MYO18B: variants seen among roughly 807,000 people sequenced by gnomAD.
MYO18B encodes the protein myosin XVIIIB, also known as unconventional myosin-XVIIIb.
A neutral mutation model predicts 273.0 loss-of-function variants in MYO18B; 204 were observed. That is an observed-to-expected ratio of 0.75 (90% confidence interval 0.67 to 0.84). MYO18B has a LOEUF of 0.84. Among genes scored for constraint, MYO18B ranks in the 40% least tolerant of loss-of-function variants. The pLI, the probability that MYO18B is intolerant of heterozygous loss-of-function variation, is 0.00. For synonymous variants in MYO18B, 1,330 were observed against 1,305.7 expected, an observed-to-expected ratio of 1.02 and a Z score of -0.40; for missense variants, 3,212 against 3,287.6, an observed-to-expected ratio of 0.98 and a Z score of 0.56.
intron 13 of MYO18B, among the ~76,000 whole-genome samples, chr22:25,824,795 A>G (rs2089425878): frequency 6.6e-6 from 1 of 151,840 alleles, no homozygotes; most frequent in Non-Finnish European, 1.5e-5. Context: ...ACACATTCCC[A>G]GAAGCATACA....
At chr22:25,764,016 C>T (rs545869806) in intron 3 of MYO18B, among the ~76,000 whole-genome samples, 42 of 152,266 alleles carry the variant, frequency 2.8e-4, no homozygotes, top group Admixed American at 8.5e-4. Flanking sequence ...CCCAAGTGCC[C>T]TCAGCTGCCA....
At chr22:25,977,904 T>C (rs1462305011) in intron 39 of MYO18B, among the ~76,000 whole-genome samples, 1 of 152,170 alleles carries the variant, frequency 6.6e-6, no homozygotes, top group African/African-American at 2.4e-5. Flanking sequence ...CAAGACTTGC[T>C]TGGGGTCACG....
chr22:26,014,008 A>G (rs1935112896), intron 42 of MYO18B, among the ~76,000 whole-genome samples: 1 of 152,216 alleles, frequency 6.6e-6, no homozygotes, highest in Non-Finnish European at 1.5e-5. Flanking sequence ...ATTTTAATGT[A>G]ACCCAGTTTA....
At position 25,770,101 on chromosome 22, in the gene MYO18B, G is replaced by A. The variant is rs367783521; in HGVS notation, c.1513-9G>A. 6.2e-7 allele frequency: 1 copy of A among 1,613,546 alleles called. No individual in the cohort carries two copies. The highest frequency in any genetic ancestry group is 2.2e-5 in the East Asian group (1 of 44,876). On this transcript the variant is annotated splice_polypyrimidine_tract_variant and intron_variant, in intron 4 of 43. Coordinates refer to ENST00000335473, the MANE Select transcript of MYO18B (RefSeq NM_032608.7). ...TTGCTGGTTTAATTTACGTGATGTT[G>A]GTTCTCAGGCTCCTGAGGACAGATG...
At chr22:25,878,982 T>C (rs1158340) in intron 25 of MYO18B, among the ~76,000 whole-genome samples, 117,162 of 152,232 alleles carry the variant, frequency 0.77, 45,347 homozygotes, top group East Asian at 0.94. Context: ...AAAGTAAACA[T>C]TCAAATGGGA....
intron 39 of MYO18B, among the ~76,000 whole-genome samples, chr22:25,968,266 C>T (rs776566607): frequency 5.9e-5 from 9 of 152,320 alleles, no homozygotes; most frequent in Admixed American, 5.2e-4. Flanking sequence ...TTGAACAGTT[C>T]TGGGGTACAT....
In MYO18B at chr22:25,823,579, C is replaced by G. The variant is rs199965997; in HGVS notation, c.2596C>G (p.Leu866Val). 3.1e-6 allele frequency: 5 copies of G among 1,613,884 alleles called. No homozygotes were observed. The highest frequency in any genetic ancestry group is 1.7e-5 in the Admixed American group (1 of 60,004). ...GGCCCTGGGCTGCGAGTATGAGGAG[C>G]TGAACACGGCCACCTTCAAGCACCA... ...AEALGCEYEE[L>V]NTATFKHHLR... Residue 866 changes from leucine (L) to valine (V), a missense_variant, in exon 13 of 44, where the codon CTG (leucine) becomes GTG (valine). Leu to Val is a conservative substitution (Grantham distance 32). Coordinates refer to ENST00000335473, the MANE Select transcript of MYO18B (RefSeq NM_032608.7).
At position 25,846,254 on chromosome 22, in the gene MYO18B, G is replaced by T; in HGVS notation, c.3523G>T (p.Ala1175Ser). The change falls in exon 19 of 44, where the codon GCC (alanine) becomes TCC (serine). Residue 1175 changes from alanine to serine, a missense_variant. Physicochemically the swap from Ala to Ser is moderately conservative, Grantham distance 99. Transcript: ENST00000335473. ...ASSLAAVRRK[A>S]PCSQIKLQMD... ...CAGCCTTGCCGCGGTGAGGAGGAAA[G>T]CCCCGTGCTCCCAGATCAAGCTGCA... 1 of 1,612,054 alleles carries T rather than the reference G, an allele frequency of 6.2e-7. No individual in the cohort carries two copies. The highest frequency in any genetic ancestry group is 8.5e-7 in the Non-Finnish European group (1 of 1,179,818).
chr22:25,876,038 G>GTGTGTGTA (rs369957764), intron 23 of MYO18B, 151 bp from the exon 24 acceptor site: 1 of 554,344 alleles, frequency 1.8e-6, no homozygotes, highest in Non-Finnish European at 3.2e-6. Flanking sequence ...GTGTGTGTGT[G>GTGTGTGTA]TGTGTGTATG....
At chr22:26,038,930 T>C in the MYO18B span, among the ~76,000 whole-genome samples, 4 of 152,296 alleles carry the variant, frequency 2.6e-5, no homozygotes, top group African/African-American at 7.2e-5. Flanking sequence ...TATTGAGAAT[T>C]TGCATGAAAA....
At chr22:26,014,098 C>CT (rs1935119883) in intron 42 of MYO18B, among the ~76,000 whole-genome samples, 5 of 151,924 alleles carry the variant, frequency 3.3e-5, no homozygotes, top group Admixed American at 2.6e-4. Flanking sequence ...GCAGTATTTT[C>CT]TTATTTTTTG....
chr22:25,884,985 C>T (rs2091455263), intron 25 of MYO18B: 1 of 152,122 alleles, frequency 6.6e-6, no homozygotes, highest in African/African-American at 2.4e-5. Flanking sequence ...AATGTTTACC[C>T]TCCCCCCAGT....
chr22:25,856,086 T>C (rs906568716), intron 21 of MYO18B, among the ~76,000 whole-genome samples: 2 of 152,262 alleles, frequency 1.3e-5, no homozygotes, highest in African/African-American at 2.4e-5. Context: ...ATGGTAATTC[T>C]ATTTTAAATT....
At chr22:25,944,676 C>A (rs113670702) in intron 34 of MYO18B, among the ~76,000 whole-genome samples, 1 of 151,976 alleles carries the variant, frequency 6.6e-6, no homozygotes, top group African/African-American at 2.4e-5. Context: ...GATGAAACCC[C>A]GTCTCTACTA....
chr22:25,786,168 TC>T (rs2145689984), intron 11 of MYO18B, among the ~76,000 whole-genome samples: 1 of 152,374 alleles, frequency 6.6e-6, no homozygotes, highest in South Asian at 2.1e-4. Flanking sequence ...AGGTGTATGT[TC>T]CTGCTGAGTG....
At chr22:26,003,150 C>A in intron 40 of MYO18B, 115 bp from the exon 41 acceptor site, 2 of 941,368 alleles carry the variant, frequency 2.1e-6, no homozygotes. Flanking sequence ...TGAGATCACA[C>A]AGGGGCAAAG....
intron 12 of MYO18B, among the ~76,000 whole-genome samples, chr22:25,805,910 G>A (rs960583907): frequency 2.0e-5 from 3 of 152,188 alleles, no homozygotes; most frequent in Non-Finnish European, 2.9e-5. Context: ...CCCTGAGCAA[G>A]GTCTGGTTTT....
intron 3 of MYO18B, 54 bp from the exon 4 acceptor site, chr22:25,768,061 A>T: frequency 7.0e-7 from 1 of 1,421,386 alleles, no homozygotes; most frequent in African/African-American, 1.4e-5. Context: ...GTGAATGACA[A>T]AGCTGTCAGG....
At chr22:25,765,355 C>G (rs1052530228) in intron 3 of MYO18B, among the ~76,000 whole-genome samples, 3 of 152,228 alleles carry the variant, frequency 2.0e-5, no homozygotes, top group African/African-American at 4.8e-5. Context: ...CCCAGCACAA[C>G]TGTTTCATTT....
Sources: allele counts gnomAD v4.1 joint callset (sites outside exome capture counted in the v4.1 genomes callset), GRCh38; gene constraint gnomAD v4.1.1; transcripts MANE v1.5; gene names NCBI Gene and HGNC (gene_info 2026-07-23, HGNC 2026-07-21).